DMD: variants seen among roughly 807,000 people sequenced by gnomAD.
DMD encodes the protein dystrophin.
Under a neutral mutation model 330.1 loss-of-function variants are expected in DMD, and 63 were observed. The ratio of observed to expected loss-of-function variants is 0.19; its 90% CI spans 0.16 to 0.24. The LOEUF (loss-of-function observed/expected upper bound fraction) is 0.24, where lower values mean the gene tolerates loss of function less well. Ranked by LOEUF, DMD falls within the 10% of genes least tolerant of loss-of-function variation. The pLI is 1.00. For missense variants in DMD, 3,344 were observed against 2,684.1 expected, an observed-to-expected ratio of 1.25 and a Z score of -5.43; for synonymous variants, 1,223 against 959.8, an observed-to-expected ratio of 1.27 and a Z score of -5.07.
chrX:32,738,139 A>G (rs1231420357), intron 7 of DMD, among the ~76,000 whole-genome samples: 1 of 111,789 alleles, frequency 8.9e-6, no homozygotes, highest in African/African-American at 3.2e-5. Context: ...AAAATCACAG[A>G]GGGTTACCAG....
intron 43 of DMD, among the ~76,000 whole-genome samples, chrX:32,239,281 A>T (rs1370241753): frequency 1.8e-5 from 2 of 112,039 alleles, no homozygotes; most frequent in Non-Finnish European, 3.8e-5. Context: ...TTGGCTATTT[A>T]TACTGCTTTA....
At chrX:31,550,404 A>T (rs72625591) in intron 55 of DMD, among the ~76,000 whole-genome samples, 2,910 of 111,898 alleles carry the variant, frequency 0.026, 42 homozygotes, top group African/African-American at 0.048. Context: ...TAAACACAGA[A>T]GTCTGCTAGA....
chrX:32,796,186 C>T, intron 7 of DMD, among the ~76,000 whole-genome samples: 1 of 111,285 alleles, frequency 9.0e-6, no homozygotes, highest in Non-Finnish European at 1.9e-5. Context: ...CCTGTACTTG[C>T]ATGCTTATTG....
chrX:31,891,754 T>G (rs1396828061), intron 47 of DMD, among the ~76,000 whole-genome samples: 6 of 111,277 alleles, frequency 5.4e-5, no homozygotes, highest in African/African-American at 2.0e-4. Context: ...TCTGGACCGT[T>G]ATAGAAAGTT....
chrX:32,966,848 A>ATG, intron 2 of DMD, among the ~76,000 whole-genome samples: 1 of 112,317 alleles, frequency 8.9e-6, no homozygotes, highest in Non-Finnish European at 1.9e-5. Flanking sequence ...AGTGATAAAC[A>ATG]TCCTGCAGGG....
chrX:32,676,120 C>T (rs763201129), intron 9 of DMD, among the ~76,000 whole-genome samples: 1 of 111,445 alleles, frequency 9.0e-6, no homozygotes, highest in African/African-American at 3.2e-5. Flanking sequence ...TCTTTTATCT[C>T]ACAAGTAAGC....
chrX:31,798,159 T>C (rs756915875), intron 50 of DMD, among the ~76,000 whole-genome samples: 1 of 112,468 alleles, frequency 8.9e-6, no homozygotes, highest in Non-Finnish European at 1.9e-5. Flanking sequence ...TATGGTACTT[T>C]TGAGTCTCAA....
intron 2 of DMD, among the ~76,000 whole-genome samples, chrX:32,956,956 T>G (rs1291892890): frequency 8.9e-6 from 1 of 112,050 alleles, no homozygotes; most frequent in African/African-American, 3.2e-5. Context: ...TCCTTTCTTC[T>G]CATCATAATA....
At chrX:31,758,353 T>C (rs1194834010) in intron 51 of DMD, among the ~76,000 whole-genome samples, 1 of 111,167 alleles carries the variant, frequency 9.0e-6, no homozygotes, top group Non-Finnish European at 1.9e-5. Context: ...CCACTGACTT[T>C]CGCAAAACCA....
chrX:32,244,232 T>C (rs2097221622), intron 43 of DMD, among the ~76,000 whole-genome samples: 2 of 106,428 alleles, frequency 1.9e-5, no homozygotes, highest in Non-Finnish European at 3.9e-5. Flanking sequence ...GTTCTTGCGA[T>C]AGTTTACTGA....
At chrX:31,949,423 A>G (rs938447708) in intron 45 of DMD, among the ~76,000 whole-genome samples, 2 of 111,456 alleles carry the variant, frequency 1.8e-5, no homozygotes. Flanking sequence ...GAATGAAATT[A>G]TTTTCTTAGT....
At chrX:31,302,670 T>A (rs762402995) in intron 62 of DMD, among the ~76,000 whole-genome samples, 197 of 108,209 alleles carry the variant, frequency 1.8e-3, no homozygotes, top group African/African-American at 6.1e-3. Flanking sequence ...AAAAAAAAAA[T>A]GCAATTGCAA....
chrX:31,703,458 A>C (rs1226078967), intron 52 of DMD, among the ~76,000 whole-genome samples: 1 of 111,773 alleles, frequency 8.9e-6, no homozygotes, highest in Non-Finnish European at 1.9e-5. Flanking sequence ...CACTCTGCTC[A>C]AAAGTCACTG....
chrX:32,912,045 G>GAA (rs61603198), intron 2 of DMD, among the ~76,000 whole-genome samples: 48,665 of 99,243 alleles, frequency 0.49, 10,452 homozygotes, highest in African/African-American at 0.65. Context: ...GAGAGAGAGA[G>GAA]AGAGAGAGAG....
At chrX:31,998,647 C>T (rs760635795) in intron 44 of DMD, among the ~76,000 whole-genome samples, 1 of 111,524 alleles carries the variant, frequency 9.0e-6, no homozygotes, top group African/African-American at 3.3e-5. Flanking sequence ...ACTGGGATCA[C>T]GTCGTAACCT....
At chrX:33,285,992 G>C (rs758787228) in intron 1 of DMD, among the ~76,000 whole-genome samples, 1 of 111,726 alleles carries the variant, frequency 9.0e-6, no homozygotes, top group Non-Finnish European at 1.9e-5. Flanking sequence ...TAAAAATCAG[G>C]TATATTCTAA....
intron 7 of DMD, among the ~76,000 whole-genome samples, chrX:32,748,470 C>CTTTTT (rs1253802052): frequency 7.2e-5 from 8 of 111,076 alleles, no homozygotes; most frequent in Non-Finnish European, 1.1e-4. Context: ...TCATTAAGTA[C>CTTTTT]CATAGCCAGC....
intron 2 of DMD, among the ~76,000 whole-genome samples, chrX:32,867,299 T>C (rs2082591405): frequency 8.9e-6 from 1 of 112,127 alleles, no homozygotes; most frequent in African/African-American, 3.2e-5. Context: ...TTCAGACATT[T>C]CCAAAACAAA....
At chrX:31,924,094 A>T (rs1421817114) in intron 47 of DMD, among the ~76,000 whole-genome samples, 3 of 111,521 alleles carry the variant, frequency 2.7e-5, no homozygotes, top group Non-Finnish European at 5.6e-5. Context: ...TATATTTTAC[A>T]GCATTTTTTT....
Sources: gnomAD v4.1 joint callset for allele counts (sites outside exome capture counted in the v4.1 genomes callset) on GRCh38, gnomAD v4.1.1 for gene constraint, MANE v1.5 for transcripts, NCBI Gene and HGNC (gene_info 2026-07-23, HGNC 2026-07-21) for gene names.